Variants in PXDN observed in about 807,000 individuals in gnomAD.
PXDN encodes peroxidasin homolog.
A neutral mutation model predicts 140.3 loss-of-function variants in PXDN; 77 were observed. The ratio of observed to expected loss-of-function variants is 0.55; its 90% CI spans 0.46 to 0.66. The LOEUF is 0.66. Among genes scored for constraint, PXDN ranks in the 30% least tolerant of loss-of-function variants. PXDN has a pLI of 0.00. For missense variants in PXDN, 1,838 were observed against 2,039.5 expected, an observed-to-expected ratio of 0.90 and a Z score of 1.90; for synonymous variants, 911 against 857.4, an observed-to-expected ratio of 1.06 and a Z score of -1.09.
At chr2:1,709,370 T>C (rs1165784106) in intron 1 of PXDN, among the ~76,000 whole-genome samples, 1 of 151,802 alleles carries the variant, frequency 6.6e-6, no homozygotes, top group Non-Finnish European at 1.5e-5. Flanking sequence ...GAGGGCAGGG[T>C]GTGTGGTGTT....
At chr2:1,671,527 A>G (rs7590885) in intron 9 of PXDN, among the ~76,000 whole-genome samples, 46,409 of 152,020 alleles carry the variant, frequency 0.31, 7,530 homozygotes, top group Admixed American at 0.39. Flanking sequence ...ATCAAGTAGA[A>G]GCTGCTGTAT....
rs1186797796 is a variant in PXDN at position 1,679,337 on chromosome 2, GGTGT to G, written c.730+852_730+855del. ...GTCTATAAATGGTTTGTGTGTAAAT[GGTGT>G]GTGTGTGTATGTGCGTGTGTGTGGT... On this transcript the variant is annotated intron_variant, in intron 7 of 22. Coordinates refer to ENST00000252804, the MANE Select transcript of PXDN (RefSeq NM_012293.3). Among the ~76,000 whole-genome samples, 30 of 148,594 alleles carry G rather than the reference GGTGT, an allele frequency of 2.0e-4. 1 individual carries two copies. Among genetic ancestry groups the G allele is most frequent in the African/African-American group, 2.2e-4 (9 of 40,330 alleles).
At chr2:1,724,301 T>A (rs1290745122) in intron 1 of PXDN, among the ~76,000 whole-genome samples, 1 of 141,738 alleles carries the variant, frequency 7.1e-6, no homozygotes, top group Non-Finnish European at 1.5e-5. Flanking sequence ...TTAAAGTAAG[T>A]CTGAATTTCC....
rs907591878 is a variant in PXDN, at chr2:1,649,801, G to C, written c.2105-126C>G. ...CCCCAGCTCATGAAACCTGTTGTGC[G>C]CCATGCAACAAGCGCTTCCTGCTGG... On this transcript the variant is annotated intron_variant, in intron 16 of 22. Coordinates refer to ENST00000252804, the MANE Select transcript of PXDN (RefSeq NM_012293.3). The surrounding 1 kb of genome is among the most constrained non-coding windows in gnomAD (Gnocchi z 7.1). 2 of 1,119,166 alleles carry C rather than the reference G, an allele frequency of 1.8e-6. No homozygotes were observed. Among genetic ancestry groups the C allele is most frequent in the African/African-American group, 1.5e-5 (1 of 64,890 alleles). 69.3% of individuals were successfully genotyped at this position (1,119,166 alleles called of 1,614,324 possible). A position where few individuals can be genotyped will look rare whatever the true frequency, so the allele number is the denominator to read the frequency against.
chr2:1,702,826 C>T (rs1359528761), intron 1 of PXDN, among the ~76,000 whole-genome samples: 1 of 152,054 alleles, frequency 6.6e-6, no homozygotes, highest in African/African-American at 2.4e-5. Flanking sequence ...GAGGTTTCAC[C>T]GAGTTGGCCA....
In PXDN at chr2:1,729,780, C is replaced by T. The variant is rs1467683143; in HGVS notation, c.200+14476G>A. ...ATCTAGACAGACACACACAAAAATGCATGCAATCACATTTTGGAAATATTG... is the reference window on the plus strand; with the variant it reads ...ATCTAGACAGACACACACAAAAATGTATGCAATCACATTTTGGAAATATTG... On this transcript the variant is annotated intron_variant, in intron 1 of 22. Transcript: ENST00000252804. Among the ~76,000 whole-genome samples the T allele has an allele frequency of 5.3e-5, 8 of 152,128 alleles. No individual in the cohort carries two copies. The South Asian group carries it at 1.5e-3, about 28-fold the overall frequency.
chr2:1,688,282 CAT>C (rs111852478), intron 3 of PXDN, among the ~76,000 whole-genome samples: 4 of 152,334 alleles, frequency 2.6e-5, no homozygotes, highest in African/African-American at 7.2e-5. Context: ...TATTTCCTAA[CAT>C]GTGAACTTGG....
rs537865227 is a variant in PXDN at position 1,714,508 on chromosome 2, AG to A, written c.201-21375del. On this transcript the variant is annotated intron_variant, in intron 1 of 22. Coordinates refer to ENST00000252804, the MANE Select transcript of PXDN (RefSeq NM_012293.3). The surrounding 1 kb of genome is among the most constrained non-coding windows in gnomAD (Gnocchi z 4.3). ...CAGCAATGACCGCGGGTCCACGCTC[AG>A]GGAAATGCCCCTCCCACAGCAGGCC... Among the ~76,000 whole-genome samples the A allele has an allele frequency of 2.5e-3, 376 of 152,276 alleles. No individual in the cohort carries two copies. Among genetic ancestry groups the A allele is most frequent in the Non-Finnish European group, 4.7e-3 (317 of 68,022 alleles).
chr2:1,707,037 T>C (rs56125307), intron 1 of PXDN, among the ~76,000 whole-genome samples: 16,352 of 52,332 alleles, frequency 0.31, 3,056 homozygotes, highest in African/African-American at 0.51. Context: ...TCTGAGAGCA[T>C]GCTTCAGTGT....
At chr2:1,679,942 CGT>C (rs1181503803) in intron 7 of PXDN, among the ~76,000 whole-genome samples, 7 of 77,724 alleles carry the variant, frequency 9.0e-5, no homozygotes, top group Admixed American at 9.0e-4. Flanking sequence ...TGTGTATGTG[CGT>C]GTGTGTGGTT....
intron 1 of PXDN, among the ~76,000 whole-genome samples, chr2:1,739,136 A>G (rs1685482309): frequency 1.3e-5 from 2 of 152,150 alleles, no homozygotes; most frequent in South Asian, 4.1e-4. Context: ...CTGTCCACTC[A>G]TGGACGTCTT....
In PXDN at chr2:1,649,475, A is replaced by T; in HGVS notation, c.2305T>A (p.Ser769Thr). The T allele has an allele frequency of 6.2e-7, 1 of 1,613,938 alleles. No homozygotes were observed. The highest frequency in any genetic ancestry group is 8.5e-7 in the Non-Finnish European group (1 of 1,179,862). ...GTGTTGAAGCCATTCTCGTACACGG[A>T]TTTCAGCAGGCGCTCGAAGGCGGTC... ...SLTAFERLLK[S>T]VYENGFNTPR... The change falls in exon 17 of 23, where the codon TCC becomes ACC. Residue 769 changes from serine (S) to threonine (T), a missense_variant. Coordinates refer to ENST00000252804, the MANE Select transcript of PXDN (RefSeq NM_012293.3). The surrounding 1 kb of genome is among the most constrained non-coding windows in gnomAD (Gnocchi z 7.1).
intron 1 of PXDN, among the ~76,000 whole-genome samples, chr2:1,697,252 G>A (rs1391223715): frequency 1.3e-5 from 2 of 152,140 alleles, no homozygotes; most frequent in Non-Finnish European, 2.9e-5. Flanking sequence ...GTGTGCGTGT[G>A]AGGAGATATA....
rs571737936 is a variant in PXDN at position 1,657,843 on chromosome 2, G to A, written c.1837+3038C>T. ...CAGGCACTTGCACCCTCCAGATTGG[G>A]ACCCGCCCTCTCCTGACAAGGACGT... On this transcript the variant is annotated intron_variant, in intron 14 of 22. Transcript: ENST00000252804. Among the ~76,000 whole-genome samples the A allele has an allele frequency of 2.1e-3, 295 of 141,266 alleles. 2 individuals are homozygous for A. Among genetic ancestry groups the A allele is most frequent in the African/African-American group, 8.2e-3 (285 of 34,690 alleles). The allele number at this position is 141,266 out of a possible 152,430, so 92.7% of individuals were successfully genotyped here. A position where few individuals can be genotyped will look rare whatever the true frequency, so the allele number is the denominator to read the frequency against.
chr2:1,731,697 GGCACAAAACACGCA>G (rs1685317833), intron 1 of PXDN, among the ~76,000 whole-genome samples: 1 of 152,206 alleles, frequency 6.6e-6, no homozygotes, highest in Admixed American at 6.5e-5. Flanking sequence ...ACAGAGCTCA[GGCACAAAACACGCA>G]GCTATCCCAA....
At chr2:1,702,593 A>G (rs537174738) in intron 1 of PXDN, among the ~76,000 whole-genome samples, 1 of 152,272 alleles carries the variant, frequency 6.6e-6, no homozygotes, top group Non-Finnish European at 1.5e-5. Flanking sequence ...AAATGTCCAA[A>G]GTCTTCAGGG....
intron 1 of PXDN, among the ~76,000 whole-genome samples, chr2:1,743,760 G>C (rs1234782301): frequency 1.5e-5 from 2 of 136,074 alleles, no homozygotes; most frequent in African/African-American, 2.7e-5. Flanking sequence ...CGAACAGGAC[G>C]AGGAACGGGG....
At chr2:1,686,042 TG>T (rs1488320175) in intron 4 of PXDN, among the ~76,000 whole-genome samples, 1 of 152,184 alleles carries the variant, frequency 6.6e-6, no homozygotes, top group Admixed American at 6.5e-5. Context: ...GGTCTCCCAG[TG>T]TCACCAGGAA....
At chr2:1,667,656 T>A (rs976214457) in intron 9 of PXDN, among the ~76,000 whole-genome samples, 20 of 152,004 alleles carry the variant, frequency 1.3e-4, no homozygotes, top group African/African-American at 4.8e-4. Flanking sequence ...TATATACCAA[T>A]AATAGACAAG....
Sources: allele counts gnomAD v4.1 joint callset (sites outside exome capture counted in the v4.1 genomes callset), GRCh38; gene constraint gnomAD v4.1.1; non-coding constraint Gnocchi (gnomAD v3.1); transcripts MANE v1.5; gene names NCBI Gene and HGNC (gene_info 2026-07-23, HGNC 2026-07-21).